The following SAMD4A variants were observed in gnomAD, a reference collection of about 807,000 sequenced individuals.
SAMD4A encodes the protein protein Smaug homolog 1.
Under a neutral mutation model 81.3 loss-of-function variants are expected in SAMD4A, and 33 were observed. The observed-to-expected ratio is 0.41, with a 90% CI of 0.31 to 0.54. SAMD4A has a LOEUF of 0.54. Among genes scored for constraint, SAMD4A ranks in the 20% least tolerant of loss-of-function variants. The pLI is 0.37. For missense variants in SAMD4A, 854 were observed against 951.1 expected (o/e 0.90, Z 1.34); for synonymous variants, 389 against 382.1 (o/e 1.02, Z -0.21).
At chr14:54,755,347 A>C (rs1328301235) in intron 6 of SAMD4A, among the ~76,000 whole-genome samples, 1 of 152,186 alleles carries the variant, frequency 6.6e-6, no homozygotes, top group Non-Finnish European at 1.5e-5. Context: ...TGGCCGGAAG[A>C]GCAGGTCTAG....
chr14:54,668,998 C>T (rs747233457), intron 2 of SAMD4A, among the ~76,000 whole-genome samples: 4 of 152,176 alleles, frequency 2.6e-5, no homozygotes, highest in South Asian at 2.1e-4. Flanking sequence ...AATCAGTGCC[C>T]GAGGCCATAG....
At chr14:54,600,423 G>A (rs1243213703) in intron 2 of SAMD4A, among the ~76,000 whole-genome samples, 2 of 152,092 alleles carry the variant, frequency 1.3e-5, no homozygotes, top group East Asian at 1.9e-4. Flanking sequence ...TTCATCCAGT[G>A]CTTCCATTGA....
chr14:54,613,863 C>T (rs1157055796), intron 2 of SAMD4A, among the ~76,000 whole-genome samples: 1 of 152,226 alleles, frequency 6.6e-6, no homozygotes, highest in Non-Finnish European at 1.5e-5. Context: ...AACGCTAAGA[C>T]ATTGTTTGCT....
chr14:54,782,624 C>G (rs967399969), intron 11 of SAMD4A, among the ~76,000 whole-genome samples: 27 of 152,178 alleles, frequency 1.8e-4, no homozygotes, highest in African/African-American at 6.0e-4. Context: ...CTTCCAAACC[C>G]ATCGATGCCG....
intron 5 of SAMD4A, among the ~76,000 whole-genome samples, chr14:54,750,584 A>G (rs900711464): frequency 1.1e-4 from 16 of 152,242 alleles, no homozygotes; most frequent in African/African-American, 2.9e-4. Flanking sequence ...GAATTTAAGT[A>G]ATTTTCTATT....
chr14:54,640,242 C>A (rs928831709), intron 2 of SAMD4A, among the ~76,000 whole-genome samples: 2 of 152,136 alleles, frequency 1.3e-5, no homozygotes, highest in Admixed American at 1.3e-4. Context: ...CTCAACAGTA[C>A]CTGGAAGTTT....
At chr14:54,568,731 ATATATATAT>A (rs1566524846) in intron 2 of SAMD4A, among the ~76,000 whole-genome samples, 74 of 125,914 alleles carry the variant, frequency 5.9e-4, no homozygotes, top group Non-Finnish European at 9.1e-4. Context: ...ATATATATAT[ATATATATAT>A]AATGCGGTTA....
At chr14:54,725,760 G>C (rs796622598) in intron 3 of SAMD4A, among the ~76,000 whole-genome samples, 1 of 152,090 alleles carries the variant, frequency 6.6e-6, no homozygotes, top group African/African-American at 2.4e-5. Flanking sequence ...ATCACATAAC[G>C]TAGCCTTTGT....
At chr14:54,593,522 A>T in intron 2 of SAMD4A, among the ~76,000 whole-genome samples, 1 of 152,190 alleles carries the variant, frequency 6.6e-6, no homozygotes, top group East Asian at 1.9e-4. Context: ...TTTCTAGGTG[A>T]TTTAGGGGCA....
intron 2 of SAMD4A, among the ~76,000 whole-genome samples, chr14:54,640,735 G>A (rs1258189592): frequency 1.3e-5 from 2 of 152,128 alleles, no homozygotes; most frequent in Non-Finnish European, 1.5e-5. Flanking sequence ...ACAGCAGCAG[G>A]TCCTGCCTCC....
chr14:54,763,351 A>C (rs2038454359), intron 7 of SAMD4A, among the ~76,000 whole-genome samples: 1 of 152,042 alleles, frequency 6.6e-6, no homozygotes, highest in African/African-American at 2.4e-5. Flanking sequence ...TCTCTCAAAA[A>C]CAAAATAATA....
chr14:54,664,345 T>C (rs1389620529), intron 2 of SAMD4A, among the ~76,000 whole-genome samples: 3 of 152,184 alleles, frequency 2.0e-5, no homozygotes, highest in Admixed American at 6.5e-5. Context: ...ATAGTTTGGA[T>C]TAAGGATGTC....
At chr14:54,678,686 C>T in intron 2 of SAMD4A, among the ~76,000 whole-genome samples, 1 of 151,844 alleles carries the variant, frequency 6.6e-6, no homozygotes, top group East Asian at 1.9e-4. Context: ...GTAGCTGGGA[C>T]TACAGGCGCC....
rs1187780039 is a variant in SAMD4A at position 54,766,467 on chromosome 14, GAGC to G, written c.1596+1937_1596+1939del. ...TCCCTGAGTGCCCTGGAGCACAGAG[GAGC>G]AGCAGCAGCGGGCACCAAACCTGGA... On this transcript the variant is annotated intron_variant, in intron 8 of 12. Coordinates refer to ENST00000554335, the MANE Select transcript of SAMD4A (RefSeq NM_015589.6). Among the ~76,000 whole-genome samples the G allele has an allele frequency of 2.6e-5, 4 of 152,162 alleles. No individual in the cohort carries two copies. In the East Asian group the frequency reaches 7.7e-4, roughly 29 times the overall value.
chr14:54,776,082 T>C (rs1052331839), intron 10 of SAMD4A, among the ~76,000 whole-genome samples: 1 of 148,546 alleles, frequency 6.7e-6, no homozygotes, highest in South Asian at 2.1e-4. Flanking sequence ...GTTGCATACA[T>C]TTATAGAACT....
intron 3 of SAMD4A, among the ~76,000 whole-genome samples, chr14:54,736,282 A>T (rs539697098): frequency 1.4e-4 from 21 of 152,332 alleles, no homozygotes; most frequent in Admixed American, 1.2e-3. Flanking sequence ...GGTAAAAACC[A>T]TTCATTCCCA....
At chr14:54,724,327 C>G (rs114646106) in intron 3 of SAMD4A, among the ~76,000 whole-genome samples, 132 of 152,338 alleles carry the variant, frequency 8.7e-4, no homozygotes, top group African/African-American at 2.9e-3. Flanking sequence ...GCTCTTTCCA[C>G]TGCTCAGCTG....
chr14:54,785,300 C>T (rs2039107594), intron 12 of SAMD4A, among the ~76,000 whole-genome samples: 1 of 152,222 alleles, frequency 6.6e-6, no homozygotes, highest in Non-Finnish European at 1.5e-5. Flanking sequence ...ATCTGTGCTC[C>T]CCCGTGTGTT....
intron 2 of SAMD4A, among the ~76,000 whole-genome samples, chr14:54,666,376 G>C (rs1011579030): frequency 6.6e-6 from 1 of 152,160 alleles, no homozygotes; most frequent in Non-Finnish European, 1.5e-5. Flanking sequence ...CAGGGTATTG[G>C]CTCTGGGACC....
Sources: gnomAD v4.1 joint callset for allele counts (sites outside exome capture counted in the v4.1 genomes callset) on GRCh38, gnomAD v4.1.1 for gene constraint, MANE v1.5 for transcripts, NCBI Gene and HGNC (gene_info 2026-07-23, HGNC 2026-07-21) for gene names.